The following SEMA6D variants were observed in gnomAD, a reference collection of about 807,000 sequenced individuals.
The protein encoded by SEMA6D is semaphorin 6D.
SEMA6D carries 35 observed loss-of-function variants against 106.6 expected under a neutral mutation model. That is an observed-to-expected ratio of 0.33 (90% confidence interval 0.25 to 0.44). SEMA6D has a LOEUF of 0.44. SEMA6D is among the 20% of genes least tolerant of loss of function. The pLI, the probability that SEMA6D is intolerant of heterozygous loss-of-function variation, is 1.00. For missense variants in SEMA6D, 1,185 were observed against 1,345.9 expected (o/e 0.88, Z 1.87); for synonymous variants, 499 against 487.7 (o/e 1.02, Z -0.31).
chr15:47,748,861 G>A (rs2081279350), intron 1 of SEMA6D, among the ~76,000 whole-genome samples: 1 of 152,122 alleles, frequency 6.6e-6, no homozygotes, highest in Admixed American at 6.6e-5. Context: ...GTGGCATTGT[G>A]GAGAATGCAC....
At chr15:47,454,259 A>G (rs1159376038) in intron 2 of SEMA6D, among the ~76,000 whole-genome samples, 1 of 151,938 alleles carries the variant, frequency 6.6e-6, no homozygotes. Flanking sequence ...CTGAATTTCT[A>G]CCCATTAGTA....
At chr15:47,328,918 A>AG (rs1338100841) in intron 1 of SEMA6D, among the ~76,000 whole-genome samples, 2 of 152,340 alleles carry the variant, frequency 1.3e-5, no homozygotes, top group Non-Finnish European at 2.9e-5. Flanking sequence ...TCATTGGAGT[A>AG]GACTTTCATC....
chr15:47,464,793 T>C (rs1418364567), intron 2 of SEMA6D, among the ~76,000 whole-genome samples: 1 of 152,084 alleles, frequency 6.6e-6, no homozygotes, highest in Non-Finnish European at 1.5e-5. Flanking sequence ...AATATATGAG[T>C]CCATACAAAG....
intron 4 of SEMA6D, among the ~76,000 whole-genome samples, chr15:47,656,933 A>G (rs2077808467): frequency 6.6e-6 from 1 of 152,212 alleles, no homozygotes; most frequent in Non-Finnish European, 1.5e-5. Context: ...AAAGTGACAG[A>G]AAGAGAACAG....
At chr15:47,531,486 A>G (rs974946199) in intron 3 of SEMA6D, among the ~76,000 whole-genome samples, 1 of 152,240 alleles carries the variant, frequency 6.6e-6, no homozygotes, top group Non-Finnish European at 1.5e-5. Flanking sequence ...GGCAGATGCT[A>G]TTTTAAAAAA....
At chr15:47,605,760 T>G (rs1052122581) in intron 4 of SEMA6D, among the ~76,000 whole-genome samples, 2 of 152,214 alleles carry the variant, frequency 1.3e-5, no homozygotes, top group African/African-American at 2.4e-5. Context: ...AAGAGATTCA[T>G]AGAAGGTATG....
At chr15:47,358,559 A>G (rs1426787995) in intron 1 of SEMA6D, among the ~76,000 whole-genome samples, 1 of 152,036 alleles carries the variant, frequency 6.6e-6, no homozygotes, top group Non-Finnish European at 1.5e-5. Context: ...CTACTCCTTT[A>G]CCCTCCAAAA....
chr15:47,237,027 CAAG>C (rs2032590940), intron 1 of SEMA6D, among the ~76,000 whole-genome samples: 1 of 152,140 alleles, frequency 6.6e-6, no homozygotes, highest in Non-Finnish European at 1.5e-5. Context: ...ACATACACAA[CAAG>C]ATTATCACCG....
intron 1 of SEMA6D, among the ~76,000 whole-genome samples, chr15:47,288,180 C>T (rs1369899377): frequency 2.0e-5 from 3 of 152,174 alleles, no homozygotes; most frequent in Non-Finnish European, 4.4e-5. Context: ...GACATCAATT[C>T]AGACTATATT....
In SEMA6D at chr15:47,273,096, G is replaced by A. The variant is rs925274918; in HGVS notation, c.-239+88678G>A. 3.9e-5 allele frequency among the ~76,000 whole-genome samples: 6 copies of A among 152,098 alleles called. No homozygotes were observed. The East Asian group carries it at 1.2e-3, about 29-fold the overall frequency. On this transcript the variant is annotated intron_variant, in intron 1 of 19. Transcript: ENST00000558014. ...GTAAGTTTATTCTATTTGTGCTATTGTTTGTTTCACTACTTTGTGGCTACA... is the reference window on the plus strand; with the variant it reads ...GTAAGTTTATTCTATTTGTGCTATTATTTGTTTCACTACTTTGTGGCTACA...
At chr15:47,492,504 A>G (rs1199390201) in intron 3 of SEMA6D, among the ~76,000 whole-genome samples, 4 of 152,158 alleles carry the variant, frequency 2.6e-5, no homozygotes, top group African/African-American at 9.7e-5. Context: ...AAATGTGTAT[A>G]TTTATTACAC....
chr15:47,273,067 C>T (rs2034631302), intron 1 of SEMA6D, among the ~76,000 whole-genome samples: 1 of 152,116 alleles, frequency 6.6e-6, no homozygotes, highest in South Asian at 2.1e-4. Flanking sequence ...AGGTTGGGAA[C>T]CCTGTAAGTT....
intron 3 of SEMA6D, among the ~76,000 whole-genome samples, chr15:47,544,503 A>T (rs2045456613): frequency 6.6e-6 from 1 of 152,154 alleles, no homozygotes; most frequent in African/African-American, 2.4e-5. Flanking sequence ...ATTTTAAAAT[A>T]TGGAATTGTA....
chr15:47,547,578 T>A (rs79507777), intron 3 of SEMA6D, among the ~76,000 whole-genome samples: 2,546 of 152,194 alleles, frequency 0.017, 76 homozygotes, highest in African/African-American at 0.058. Context: ...TAAGTCCCAA[T>A]AAAATGAAAG....
At chr15:47,398,390 C>T (rs1360206008) in intron 1 of SEMA6D, among the ~76,000 whole-genome samples, 1 of 152,234 alleles carries the variant, frequency 6.6e-6, no homozygotes, top group African/African-American at 2.4e-5. Context: ...AGATGCCTCA[C>T]TCTTGATACT....
intron 1 of SEMA6D, among the ~76,000 whole-genome samples, chr15:47,731,655 A>T (rs910589428): frequency 1.4e-4 from 22 of 152,214 alleles, no homozygotes; most frequent in Admixed American, 1.3e-3. Context: ...TGCATAAAAA[A>T]ACTTGGTAAT....
At chr15:47,763,829 T>C in intron 9 of SEMA6D, 21 bp from the exon 10 acceptor site, 1 of 1,605,718 alleles carries the variant, frequency 6.2e-7, no homozygotes, top group Admixed American at 1.7e-5. Flanking sequence ...CCCCATTGCT[T>C]TGCTTCTATC....
intron 1 of SEMA6D, among the ~76,000 whole-genome samples, chr15:47,186,939 A>G (rs939405281): frequency 1.3e-5 from 2 of 152,186 alleles, no homozygotes; most frequent in Non-Finnish European, 2.9e-5. Context: ...AGATAATTAT[A>G]TCATTGAAGT....
At chr15:47,717,062 G>C (rs1190670257), upstream of SEMA6D, 1 of 152,274 alleles carries the variant, frequency 6.6e-6, no homozygotes, top group African/African-American at 2.4e-5. Context: ...TTGTCCTCTG[G>C]GTTCTGGAGG....
Sources: allele counts gnomAD v4.1 joint callset (sites outside exome capture counted in the v4.1 genomes callset), GRCh38; gene constraint gnomAD v4.1.1; transcripts MANE v1.5; gene names NCBI Gene and HGNC (gene_info 2026-07-23, HGNC 2026-07-21).